The following KCNH7 variants were observed in gnomAD, a reference collection of about 807,000 sequenced individuals.
KCNH7 encodes voltage-gated inwardly rectifying potassium channel KCNH7.
In KCNH7, 49 loss-of-function variants were observed where a neutral mutation model predicts 120.8. That is an observed-to-expected ratio of 0.41 (90% CI 0.32 to 0.51). The LOEUF (loss-of-function observed/expected upper bound fraction) is 0.51. Ranked by LOEUF, KCNH7 falls within the 20% of genes least tolerant of loss-of-function variation. The pLI, the probability that KCNH7 is intolerant of heterozygous loss-of-function variation, is 0.38. For synonymous variants in KCNH7, 547 were observed against 516.1 expected (o/e 1.06, Z -0.81); for missense variants, 1,097 against 1,446.6 (o/e 0.76, Z 3.92).
intron 2 of KCNH7, among the ~76,000 whole-genome samples, chr2:162,825,961 A>G (rs1345148248): frequency 1.3e-5 from 2 of 151,844 alleles, no homozygotes; most frequent in Middle Eastern, 3.4e-3. Context: ...TTTTTTTTCT[A>G]TTTTCTCTCT....
intron 2 of KCNH7, among the ~76,000 whole-genome samples, chr2:162,772,865 TAGAC>T (rs1225910405): frequency 1.3e-5 from 2 of 152,178 alleles, no homozygotes; most frequent in African/African-American, 4.8e-5. Flanking sequence ...GCGGAGGAAA[TAGAC>T]ATATATAACT....
intron 2 of KCNH7, among the ~76,000 whole-genome samples, chr2:162,757,307 G>T (rs1014781062): frequency 2.2e-4 from 34 of 151,946 alleles, no homozygotes; most frequent in Non-Finnish European, 4.4e-4. Context: ...TGGAAGAAAG[G>T]CTCCCAGACA....
At chr2:162,653,239 C>A in intron 2 of KCNH7, among the ~76,000 whole-genome samples, 1 of 152,048 alleles carries the variant, frequency 6.6e-6, no homozygotes. Flanking sequence ...TACTGGAAGT[C>A]CTAGTCAGAT....
intron 5 of KCNH7, among the ~76,000 whole-genome samples, chr2:162,508,338 G>C (rs1423397038): frequency 6.9e-6 from 1 of 144,616 alleles, no homozygotes; most frequent in Non-Finnish European, 1.5e-5. Context: ...TTTTTTTTTT[G>C]GCTCTTAGTC....
At chr2:162,481,965 C>CATCTATCTATCTATCTATCT (rs35463005) in intron 6 of KCNH7, among the ~76,000 whole-genome samples, 149 of 151,208 alleles carry the variant, frequency 9.9e-4, no homozygotes, top group African/African-American at 3.6e-3. Flanking sequence ...ATCTATCTAT[C>CATCTATCTATCTATCTATCT]ATCTATCTAT....
chr2:162,555,838 A>AAAT (rs1692837479), intron 2 of KCNH7, among the ~76,000 whole-genome samples: 1 of 152,044 alleles, frequency 6.6e-6, no homozygotes, highest in African/African-American at 2.4e-5. Flanking sequence ...GATCTACTTG[A>AAAT]GTAAAAGTCT....
chr2:162,554,974 C>T (rs570615483), intron 2 of KCNH7, among the ~76,000 whole-genome samples: 1 of 152,280 alleles, frequency 6.6e-6, no homozygotes, highest in South Asian at 2.1e-4. Flanking sequence ...TATATGATGA[C>T]ACTGACAAAT....
At chr2:162,434,150 G>A (rs1688162029) in intron 8 of KCNH7, among the ~76,000 whole-genome samples, 1 of 152,084 alleles carries the variant, frequency 6.6e-6, no homozygotes. Context: ...AAGACCACAT[G>A]TTCTCACTTA....
chr2:162,425,969 T>A (rs1687848176), intron 8 of KCNH7, among the ~76,000 whole-genome samples: 1 of 152,014 alleles, frequency 6.6e-6, no homozygotes, highest in African/African-American at 2.4e-5. Flanking sequence ...ATCCCAGCAC[T>A]TTGGGAGGCT....
intron 10 of KCNH7, among the ~76,000 whole-genome samples, chr2:162,398,863 G>A (rs1686991266): frequency 6.6e-6 from 1 of 151,706 alleles, no homozygotes; most frequent in South Asian, 2.1e-4. Flanking sequence ...TAGAATATGT[G>A]TTTATTCTTT....
At chr2:162,372,540 T>C (rs1464015808) in intron 15 of KCNH7, among the ~76,000 whole-genome samples, 1 of 152,068 alleles carries the variant, frequency 6.6e-6, no homozygotes, top group African/African-American at 2.4e-5. Context: ...AAGAACAAAA[T>C]AGATGGTTTT....
chr2:162,616,804 C>T (rs925698812), intron 2 of KCNH7, among the ~76,000 whole-genome samples: 3 of 152,110 alleles, frequency 2.0e-5, no homozygotes. Flanking sequence ...ATTTATATTA[C>T]AAAGAAAATT....
At chr2:162,564,014 A>G (rs1693161219) in intron 2 of KCNH7, among the ~76,000 whole-genome samples, 1 of 152,192 alleles carries the variant, frequency 6.6e-6, no homozygotes. Flanking sequence ...AATAGCAATA[A>G]ACTGGTACAA....
At chr2:162,483,844 T>C (rs1169923072) in intron 6 of KCNH7, among the ~76,000 whole-genome samples, 1 of 152,140 alleles carries the variant, frequency 6.6e-6, no homozygotes, top group South Asian at 2.1e-4. Context: ...TCTTAAAGCA[T>C]TTATCTTGTA....
rs945722203 is a variant in KCNH7 at position 162,656,371 on chromosome 2, A to G, written c.308-119291T>C. ...TATATACACACATGCACAACATAAT[A>G]CATGAGGAGTAAGGGTATAGAAATG... On this transcript the variant is annotated intron_variant, in intron 2 of 15. Transcript: ENST00000332142. Among the ~76,000 whole-genome samples, 9 of 152,226 alleles carry G rather than the reference A, an allele frequency of 5.9e-5. No homozygotes were observed. The East Asian group carries it at 7.7e-4, about 13-fold the overall frequency.
chr2:162,624,529 T>C (rs561639935), intron 2 of KCNH7, among the ~76,000 whole-genome samples: 4 of 152,292 alleles, frequency 2.6e-5, no homozygotes, highest in Admixed American at 2.6e-4. Flanking sequence ...AAACCTGGTC[T>C]GCTGTCATTA....
chr2:162,712,958 T>C (rs1332591338), intron 2 of KCNH7, among the ~76,000 whole-genome samples: 2 of 152,220 alleles, frequency 1.3e-5, no homozygotes, highest in African/African-American at 2.4e-5. Context: ...CTCTCGTTTT[T>C]AGTCATGTAG....
At chr2:162,565,708 C>T (rs138382040) in intron 2 of KCNH7, among the ~76,000 whole-genome samples, 124 of 152,058 alleles carry the variant, frequency 8.2e-4, no homozygotes, top group African/African-American at 2.8e-3. Context: ...ATTATTTATA[C>T]GGTTTATTGA....
intron 2 of KCNH7, among the ~76,000 whole-genome samples, chr2:162,571,243 C>T (rs1693463128): frequency 6.6e-6 from 1 of 152,052 alleles, no homozygotes; most frequent in Non-Finnish European, 1.5e-5. Flanking sequence ...CATTCTTATA[C>T]ACCAACAACA....
Sources: allele counts gnomAD v4.1 joint callset (sites outside exome capture counted in the v4.1 genomes callset), GRCh38; gene constraint gnomAD v4.1.1; transcripts MANE v1.5; gene names NCBI Gene and HGNC (gene_info 2026-07-23, HGNC 2026-07-21).